SETX: variants seen among roughly 807,000 people sequenced by gnomAD.
SETX encodes helicase senataxin.
Under a neutral mutation model 227.2 loss-of-function variants are expected in SETX, and 90 were observed. That is an observed-to-expected ratio of 0.40 (90% CI 0.33 to 0.47). The LOEUF is 0.47. Ranked by LOEUF, SETX falls within the 20% of genes least tolerant of loss-of-function variation. The probability of loss-of-function intolerance (pLI) is 0.91; values close to 1 mark genes in which losing one functional copy is unlikely to be tolerated. For missense variants in SETX, 3,052 were observed against 3,181.5 expected (o/e 0.96, Z 0.98); for synonymous variants, 1,210 against 1,113.2 (o/e 1.09, Z -1.73).
At chr9:132,306,311 C>G (rs1845332824) in intron 11 of SETX, among the ~76,000 whole-genome samples, 2 of 152,220 alleles carry the variant, frequency 1.3e-5, no homozygotes, top group East Asian at 3.8e-4. Flanking sequence ...CTCTTGCGTT[C>G]AAGCAATTCT....
At chr9:132,348,361 TCAAAAAAAAAACAAAA>T (rs200656408) in intron 3 of SETX, among the ~76,000 whole-genome samples, 14,447 of 37,668 alleles carry the variant, frequency 0.38, 1,039 homozygotes, top group South Asian at 0.53. Flanking sequence ...AGACTCTGTC[TCAAAAAAAAAACAAAA>T]CAAAAAAAAA....
chr9:132,299,347 T>C (rs1171779540), intron 12 of SETX, among the ~76,000 whole-genome samples: 1 of 152,198 alleles, frequency 6.6e-6, no homozygotes, highest in Non-Finnish European at 1.5e-5. Flanking sequence ...ATGATTTTGA[T>C]CTATGAGGAG....
At chr9:132,355,816 G>A (rs1401413816), upstream of SETX, among the ~76,000 whole-genome samples, 4 of 151,994 alleles carry the variant, frequency 2.6e-5, no homozygotes. Context: ...GTGAAACTCC[G>A]TCTCTACTAA....
At chr9:132,347,957 A>G (rs1435695471) in intron 3 of SETX, among the ~76,000 whole-genome samples, 9 of 152,080 alleles carry the variant, frequency 5.9e-5, no homozygotes, top group Non-Finnish European at 1.2e-4. Context: ...ATTTAGAATT[A>G]TATCTTTCAC....
intron 12 of SETX, among the ~76,000 whole-genome samples, chr9:132,299,616 A>G (rs1450788224): frequency 2.0e-5 from 3 of 152,254 alleles, no homozygotes; most frequent in East Asian, 1.9e-4. Context: ...TTCTCTTCAC[A>G]TAACTAAGAC....
intron 3 of SETX, among the ~76,000 whole-genome samples, chr9:132,348,251 T>A (rs1848403801): frequency 6.7e-6 from 1 of 149,504 alleles, no homozygotes; most frequent in Admixed American, 6.7e-5. Context: ...CCCAGCTACT[T>A]GGGAGGCTGA....
chr9:132,306,059 C>T lies in SETX; in HGVS notation c.5375-5256G>A, dbSNP rs150684641. ...CAATTCCTCCAAAGCAAATCCAACCCCACAGGATTCTTCATCTCCTTACTC... is the reference window on the plus strand; with the variant it reads ...CAATTCCTCCAAAGCAAATCCAACCTCACAGGATTCTTCATCTCCTTACTC... On this transcript the variant is annotated intron_variant, in intron 11 of 25. Coordinates refer to ENST00000224140, the MANE Select transcript of SETX (RefSeq NM_015046.7). Among the ~76,000 whole-genome samples, 649 of 152,234 alleles carry T rather than the reference C, an allele frequency of 4.3e-3. 5 individuals carry two copies. The highest frequency in any genetic ancestry group is 0.015 in the African/African-American group (608 of 41,526).
intron 10 of SETX, among the ~76,000 whole-genome samples, chr9:132,322,765 T>C (rs965430273): frequency 2.0e-5 from 3 of 152,000 alleles, no homozygotes; most frequent in African/African-American, 2.4e-5. Context: ...CTATAAACAC[T>C]AAAATGAACA....
chr9:132,303,777 T>A (rs1193280345), intron 11 of SETX, among the ~76,000 whole-genome samples: 1 of 152,008 alleles, frequency 6.6e-6, no homozygotes, highest in Admixed American at 6.6e-5. Context: ...TCTAGAAAAG[T>A]AAATTAAAAC....
At chr9:132,278,612 C>T (rs1843319162) in intron 20 of SETX, among the ~76,000 whole-genome samples, 1 of 151,982 alleles carries the variant, frequency 6.6e-6, no homozygotes, top group East Asian at 1.9e-4. Context: ...TGAGCCACCA[C>T]ACCTGGCCAA....
At chr9:132,314,546 A>G (rs1328532438) in intron 10 of SETX, among the ~76,000 whole-genome samples, 1 of 152,156 alleles carries the variant, frequency 6.6e-6, no homozygotes, top group Non-Finnish European at 1.5e-5. Flanking sequence ...ATTAAAGGTC[A>G]GTGGTAATAA....
rs75575833 is a variant in SETX, at chr9:132,293,204, A to T, written c.6106+2668T>A. 8.1e-3 allele frequency among the ~76,000 whole-genome samples: 1,232 copies of T among 152,284 alleles called. 20 individuals carry two copies. The highest frequency in any genetic ancestry group is 0.028 in the African/African-American group (1,150 of 41,550). On this transcript the variant is annotated intron_variant, in intron 15 of 25. Coordinates refer to ENST00000224140, the MANE Select transcript of SETX (RefSeq NM_015046.7). The stretch of plus-strand genomic sequence containing the variant: ...ATTTTCATTACCATTTGAAGCATGC[A>T]ATAAAATTCAACACCCATTCATAAC...
intron 22 of SETX, among the ~76,000 whole-genome samples, chr9:132,276,748 T>A (rs1843183923): frequency 6.6e-6 from 1 of 152,184 alleles, no homozygotes; most frequent in South Asian, 2.1e-4. Flanking sequence ...TTAACCCAAC[T>A]GGAATAACTG....
chr9:132,337,022 T>C (rs1251442131), intron 5 of SETX, among the ~76,000 whole-genome samples: 1 of 152,152 alleles, frequency 6.6e-6, no homozygotes, highest in Non-Finnish European at 1.5e-5. Flanking sequence ...GCCAAGATCC[T>C]ACCACTGCAC....
intron 15 of SETX, among the ~76,000 whole-genome samples, chr9:132,292,598 A>G (rs1343424953): frequency 2.9e-4 from 44 of 151,636 alleles, no homozygotes; most frequent in Non-Finnish European, 4.4e-5. Flanking sequence ...AAAACATTCC[A>G]AAGAATAACA....
rs67558000 is a variant in SETX, at chr9:132,278,437, CTTTTTTTTTTT to C, written c.6655-191_6655-181del. Among the ~76,000 whole-genome samples the C allele has an allele frequency of 5.0e-3, 422 of 84,848 alleles. 1 individual carries two copies. Among genetic ancestry groups the C allele is most frequent in the Non-Finnish European group, 6.7e-3 (271 of 40,172 alleles). The allele number at this position is 84,848 out of a possible 152,430, so 55.7% of individuals were successfully genotyped here. A position where few individuals can be genotyped will look rare whatever the true frequency, so the allele number is the denominator to read the frequency against. ...CTCTGAGCCTCAAAATGCCATGAAT[CTTTTTTTTTTT>C]TTTTTTTTTTTTTTTTTTTTTTTGG... On this transcript the variant is annotated intron_variant, in intron 20 of 25. Coordinates refer to ENST00000224140, the MANE Select transcript of SETX (RefSeq NM_015046.7).
chr9:132,295,456 CTTTT>C (rs1205528714), intron 15 of SETX, among the ~76,000 whole-genome samples: 4 of 151,694 alleles, frequency 2.6e-5, no homozygotes, highest in African/African-American at 4.8e-5. Context: ...TGCCCTGATT[CTTTT>C]TTTTTATGGC....
At position 132,264,350 on chromosome 9, in the gene SETX, C is replaced by G. The variant is rs1165174012; in HGVS notation, c.7923G>C (p.Gly2641=). The G allele has an allele frequency of 6.2e-7, 1 of 1,614,184 alleles. No individual in the cohort carries two copies. Among genetic ancestry groups the G allele is most frequent in the Non-Finnish European group, 8.5e-7 (1 of 1,180,036 alleles). The change falls in exon 26 of 26, where the codon GGG becomes GGC. Residue 2641 remains glycine, a synonymous_variant. Transcript: ENST00000224140. ...TCTCGGAACCACACTTCTCCTGCTC[C>G]CCTTCACTGAAAGCCCTGGCCTCTC... The part of the protein sequence containing the change: ...HRREARAFSE[G]EQEKCGSETH...
At chr9:132,342,161 T>C (rs1224609615) in intron 5 of SETX, among the ~76,000 whole-genome samples, 1 of 152,162 alleles carries the variant, frequency 6.6e-6, no homozygotes, top group Non-Finnish European at 1.5e-5. Flanking sequence ...ACAGACTGTC[T>C]TACCACAAAA....
Sources: gnomAD v4.1 joint callset for allele counts (sites outside exome capture counted in the v4.1 genomes callset) on GRCh38, gnomAD v4.1.1 for gene constraint, MANE v1.5 for transcripts, NCBI Gene and HGNC (gene_info 2026-07-23, HGNC 2026-07-21) for gene names.